The following ZFHX3 variants were observed in gnomAD, a reference collection of about 807,000 sequenced individuals.
The protein encoded by ZFHX3 is zinc finger homeobox protein 3.
ZFHX3 carries 42 observed loss-of-function variants against 279.1 expected under a neutral mutation model. The observed-to-expected ratio is 0.15, with a 90% CI of 0.12 to 0.19. ZFHX3 has a LOEUF of 0.19. Among genes scored for constraint, ZFHX3 ranks in the 10% least tolerant of loss-of-function variants. The pLI, the probability that ZFHX3 is intolerant of heterozygous loss-of-function variation, is 1.00. For synonymous variants in ZFHX3, 2,293 were observed against 1,957.8 expected (o/e 1.17, Z -4.52); for missense variants, 4,981 against 4,754.0 (o/e 1.05, Z -1.40).
chr16:72,896,141 TG>T (rs1419811513), intron 3 of ZFHX3, among the ~76,000 whole-genome samples: 5 of 152,182 alleles, frequency 3.3e-5, no homozygotes. Flanking sequence ...TGTCCTCATC[TG>T]GATTAACTGG....
chr16:72,841,821 CA>C (rs2037352432), intron 4 of ZFHX3, among the ~76,000 whole-genome samples: 1 of 152,102 alleles, frequency 6.6e-6, no homozygotes, highest in Non-Finnish European at 1.5e-5. Context: ...TCTCAAGGCC[CA>C]AAAACACACA....
intron 3 of ZFHX3, among the ~76,000 whole-genome samples, chr16:73,342,226 G>T (rs1438685161): frequency 6.6e-6 from 1 of 152,134 alleles, no homozygotes; most frequent in Admixed American, 6.5e-5. Context: ...AATGCAAATC[G>T]GTACAATAGT....
chr16:72,835,187 T>C (rs2037159988), intron 4 of ZFHX3, among the ~76,000 whole-genome samples: 1 of 152,220 alleles, frequency 6.6e-6, no homozygotes, highest in African/African-American at 2.4e-5. Flanking sequence ...TAAAGTGCGT[T>C]TGCCTGTCGG....
chr16:73,814,120 T>C (rs2142340091), intron 1 of ZFHX3, among the ~76,000 whole-genome samples: 1 of 152,350 alleles, frequency 6.6e-6, no homozygotes, highest in South Asian at 2.1e-4. Context: ...AGCAGTGTGA[T>C]AAGAATGCTG....
chr16:73,541,330 T>A (rs1258964353), intron 2 of ZFHX3, among the ~76,000 whole-genome samples: 1 of 151,794 alleles, frequency 6.6e-6, no homozygotes, highest in East Asian at 1.9e-4. Flanking sequence ...ACGACAAATT[T>A]AAAAACTTAG....
chr16:73,521,603 G>A (rs1032468392), intron 2 of ZFHX3, among the ~76,000 whole-genome samples: 1 of 151,946 alleles, frequency 6.6e-6, no homozygotes, highest in Admixed American at 6.6e-5. Flanking sequence ...CTCTCATAGA[G>A]GCCGTTGTGA....
At chr16:72,789,047 T>C (rs1341008962) in intron 9 of ZFHX3, 199 bp from the exon 10 acceptor site, 3 of 541,944 alleles carry the variant, frequency 5.5e-6, no homozygotes, top group Non-Finnish European at 6.1e-6. Context: ...GACTCAGTCC[T>C]AGGTCAGCTC....
intron 3 of ZFHX3, among the ~76,000 whole-genome samples, chr16:72,942,931 G>T (rs1383281392): frequency 2.6e-5 from 4 of 152,186 alleles, no homozygotes; most frequent in African/African-American, 9.7e-5. Context: ...AGAGGAAGGC[G>T]TTTGGTCCAC....
rs188661404 is a variant in ZFHX3, at chr16:72,928,105, G to A, written c.3216+22364C>T. 6.4e-3 allele frequency among the ~76,000 whole-genome samples: 629 copies of A among 98,726 alleles called. 4 individuals are homozygous for A. Among genetic ancestry groups the A allele is most frequent in the Non-Finnish European group, 0.01 (486 of 46,704 alleles). 64.8% of individuals were successfully genotyped at this position (98,726 alleles called of 152,430 possible). ...GTGCTCAATGATGTGGAGGATGGGG[G>A]GAGGGGAGGGGGAGGGGAGAGAGGG... On this transcript the variant is annotated intron_variant, in intron 3 of 9. Transcript: ENST00000268489.
intron 5 of ZFHX3, among the ~76,000 whole-genome samples, chr16:73,148,236 A>C (rs974418632): frequency 1.3e-5 from 2 of 152,246 alleles, no homozygotes; most frequent in African/African-American, 4.8e-5. Context: ...GGCCCTTTAT[A>C]GTAAACGTTT....
At chr16:73,261,453 C>A (rs1267663365) in intron 4 of ZFHX3, among the ~76,000 whole-genome samples, 1 of 151,934 alleles carries the variant, frequency 6.6e-6, no homozygotes, top group African/African-American at 2.4e-5. Context: ...TTTGTTGTAC[C>A]ATTTAAATTT....
intron 2 of ZFHX3, among the ~76,000 whole-genome samples, chr16:73,598,104 C>A (rs1418091353): frequency 6.6e-6 from 1 of 152,130 alleles, no homozygotes; most frequent in African/African-American, 2.4e-5. Context: ...TGCTAAGGAA[C>A]TCCAGGAGCC....
intron 2 of ZFHX3, among the ~76,000 whole-genome samples, chr16:73,495,099 G>A (rs2143653560): frequency 6.6e-6 from 1 of 152,360 alleles, no homozygotes; most frequent in East Asian, 1.9e-4. Flanking sequence ...CTGCTGCAGA[G>A]TACGTTGTTT....
At chr16:72,844,602 A>G (rs540688001) in intron 4 of ZFHX3, among the ~76,000 whole-genome samples, 10 of 152,232 alleles carry the variant, frequency 6.6e-5, no homozygotes, top group South Asian at 2.1e-4. Context: ...TTTGCTGTAA[A>G]CAACTAATAA....
At chr16:73,695,083 G>A (rs2386708) in intron 1 of ZFHX3, among the ~76,000 whole-genome samples, 15,939 of 152,242 alleles carry the variant, frequency 0.1, 878 homozygotes, top group Non-Finnish European at 0.12. Flanking sequence ...GATTACAAAA[G>A]AGCTGTATAT....
intron 2 of ZFHX3, among the ~76,000 whole-genome samples, chr16:73,676,451 T>A (rs867236467): frequency 7.9e-5 from 12 of 151,882 alleles, no homozygotes; most frequent in African/African-American, 2.9e-4. Flanking sequence ...AGAGATTAAA[T>A]AATGGTTTTG....
At chr16:73,755,605 T>C (rs943979291) in intron 1 of ZFHX3, among the ~76,000 whole-genome samples, 3 of 152,144 alleles carry the variant, frequency 2.0e-5, no homozygotes, top group Admixed American at 6.5e-5. Flanking sequence ...GGATGGTCTG[T>C]GAAGTTTAGG....
At chr16:73,127,591 C>A (rs1381174989) in intron 7 of ZFHX3, 1 of 1,302,398 alleles carries the variant, frequency 7.7e-7, no homozygotes, top group South Asian at 1.2e-5. Flanking sequence ...AGCCACTGAC[C>A]ACGGAGCACT....
intron 1 of ZFHX3, among the ~76,000 whole-genome samples, chr16:73,817,579 G>A (rs148409082): frequency 1.2e-4 from 18 of 152,026 alleles, no homozygotes; most frequent in Non-Finnish European, 2.1e-4. Flanking sequence ...TTACCTGCTC[G>A]GTCTGCAAAG....
Sources: allele counts gnomAD v4.1 joint callset (sites outside exome capture counted in the v4.1 genomes callset), GRCh38; gene constraint gnomAD v4.1.1; transcripts MANE v1.5; gene names NCBI Gene and HGNC (gene_info 2026-07-23, HGNC 2026-07-21).